ERBB4: variants seen among roughly 807,000 people sequenced by gnomAD.
ERBB4 encodes erb-b2 receptor tyrosine kinase 4, also known as receptor tyrosine-protein kinase erbB-4.
In ERBB4, 42 loss-of-function variants were observed where a neutral mutation model predicts 158.0. The ratio of observed to expected loss-of-function variants is 0.27; its 90% CI spans 0.21 to 0.34. ERBB4 has a LOEUF of 0.34. Ranked by LOEUF, ERBB4 falls within the 10% of genes least tolerant of loss-of-function variation. The probability of loss-of-function intolerance (pLI) is 1.00; values close to 1 mark genes in which losing one functional copy is unlikely to be tolerated. For synonymous variants in ERBB4, 583 were observed against 558.7 expected, an observed-to-expected ratio of 1.04 and a Z score of -0.61; for missense variants, 1,333 against 1,624.1, an observed-to-expected ratio of 0.82 and a Z score of 3.08.
intron 3 of ERBB4, among the ~76,000 whole-genome samples, chr2:211,863,599 T>C (rs13031717): frequency 0.34 from 52,188 of 151,982 alleles, 9,265 homozygotes; most frequent in South Asian, 0.41. Context: ...ACACTCACTG[T>C]GAGGATCTGC....
intron 1 of ERBB4, among the ~76,000 whole-genome samples, chr2:212,332,254 T>TG (rs1485826993): frequency 6.6e-6 from 1 of 152,060 alleles, no homozygotes; most frequent in African/African-American, 2.4e-5. Context: ...CCATTTTGCT[T>TG]GGCTCTCATT....
chr2:211,736,762 G>A (rs574564728), intron 5 of ERBB4, among the ~76,000 whole-genome samples: 39 of 152,036 alleles, frequency 2.6e-4, no homozygotes, highest in Non-Finnish European at 5.3e-4. Flanking sequence ...ATAATTACTG[G>A]AAATTTGGGA....
chr2:211,527,341 A>C (rs953812858), intron 20 of ERBB4, among the ~76,000 whole-genome samples: 24 of 152,226 alleles, frequency 1.6e-4, no homozygotes, highest in African/African-American at 5.8e-4. Context: ...AGAATAGTAT[A>C]TCTGGACAAA....
At chr2:212,191,084 A>G (rs1043310953) in intron 1 of ERBB4, among the ~76,000 whole-genome samples, 1 of 152,072 alleles carries the variant, frequency 6.6e-6, no homozygotes, top group Non-Finnish European at 1.5e-5. Context: ...ACCAAGTTTA[A>G]TAGCAAGTAT....
rs559281805 is a variant in ERBB4 at position 212,282,501 on chromosome 2, G to A, written c.83-157598C>T. ...TATTTGATTATTCGACTTGTATGAA[G>A]TAACCCAGGGACCTCGAGTGTGTCC... On this transcript the variant is annotated intron_variant, in intron 1 of 27. Transcript: ENST00000342788. Among the ~76,000 whole-genome samples, 11 of 152,030 alleles carry A rather than the reference G, an allele frequency of 7.2e-5. No homozygotes were observed. The East Asian group carries it at 2.1e-3, about 29-fold the overall frequency.
At chr2:211,683,295 T>C (rs1437138469) in intron 12 of ERBB4, among the ~76,000 whole-genome samples, 1 of 152,112 alleles carries the variant, frequency 6.6e-6, no homozygotes, top group Non-Finnish European at 1.5e-5. Flanking sequence ...ATCCTTAATT[T>C]TGTACTTGTA....
chr2:212,175,882 A>T (rs2081649022), intron 1 of ERBB4, among the ~76,000 whole-genome samples: 1 of 151,968 alleles, frequency 6.6e-6, no homozygotes, highest in African/African-American at 2.4e-5. Context: ...TGAACCCCAG[A>T]GAAGTAAAGT....
At chr2:212,153,240 A>T (rs564611346) in intron 1 of ERBB4, among the ~76,000 whole-genome samples, 217 of 152,288 alleles carry the variant, frequency 1.4e-3, no homozygotes, top group African/African-American at 4.8e-3. Context: ...ATTTTTTCTC[A>T]TCCAGGTTCC....
intron 20 of ERBB4, among the ~76,000 whole-genome samples, chr2:211,543,535 A>T (rs2125688022): frequency 6.6e-6 from 1 of 152,122 alleles, no homozygotes; most frequent in African/African-American, 2.4e-5. Context: ...GTTGCATTTT[A>T]TAAAGGACTT....
At chr2:211,757,075 G>T (rs1559491167) in intron 4 of ERBB4, among the ~76,000 whole-genome samples, 1 of 152,148 alleles carries the variant, frequency 6.6e-6, no homozygotes, top group Non-Finnish European at 1.5e-5. Context: ...GGAATTAATG[G>T]CATTACCATG....
At chr2:211,540,186 A>ATT (rs1444481641) in intron 20 of ERBB4, among the ~76,000 whole-genome samples, 10 of 84,682 alleles carry the variant, frequency 1.2e-4, no homozygotes, top group East Asian at 5.3e-4. Flanking sequence ...GACCTACATG[A>ATT]TTTATATATA....
chr2:211,611,904 T>C (rs1020223573), intron 19 of ERBB4, among the ~76,000 whole-genome samples: 1 of 152,070 alleles, frequency 6.6e-6, no homozygotes, highest in Non-Finnish European at 1.5e-5. Context: ...GTTCCCCTAA[T>C]AGAAACTAAG....
intron 13 of ERBB4, among the ~76,000 whole-genome samples, chr2:211,674,688 T>TAA (rs940238568): frequency 1.3e-5 from 2 of 152,094 alleles, no homozygotes; most frequent in African/African-American, 4.8e-5. Flanking sequence ...CTTCAGAATA[T>TAA]AAAAGTCCAA....
chr2:211,917,383 G>A (rs1240192332), intron 3 of ERBB4, among the ~76,000 whole-genome samples: 1 of 152,164 alleles, frequency 6.6e-6, no homozygotes. Context: ...ACAGGGTGGG[G>A]AGAAATACTA....
chr2:212,234,799 G>T (rs546195608), intron 1 of ERBB4, among the ~76,000 whole-genome samples: 1 of 151,952 alleles, frequency 6.6e-6, no homozygotes, highest in Non-Finnish European at 1.5e-5. Flanking sequence ...ATGTCTGTTC[G>T]TATCCTTTGT....
intron 1 of ERBB4, among the ~76,000 whole-genome samples, chr2:212,313,489 C>T (rs1217874060): frequency 6.6e-6 from 1 of 150,744 alleles, no homozygotes; most frequent in East Asian, 2.0e-4. Context: ...ATAACTAACT[C>T]TACTGTAGCT....
intron 1 of ERBB4, among the ~76,000 whole-genome samples, chr2:212,176,297 G>T (rs564177669): frequency 1.8e-3 from 279 of 152,028 alleles, no homozygotes; most frequent in African/African-American, 6.4e-3. Flanking sequence ...CAAAGTGATG[G>T]TATTTCAGGG....
chr2:211,821,269 C>A (rs1192460394), intron 3 of ERBB4, among the ~76,000 whole-genome samples: 1 of 151,636 alleles, frequency 6.6e-6, no homozygotes, highest in African/African-American at 2.4e-5. Flanking sequence ...TTTACAATAG[C>A]TACTAGAAAA....
chr2:211,451,227 A>T (rs572871196), intron 20 of ERBB4, among the ~76,000 whole-genome samples: 27 of 152,348 alleles, frequency 1.8e-4, no homozygotes, highest in Admixed American at 1.4e-3. Flanking sequence ...GCAAAATGCT[A>T]GAATGGCATT....
Sources: gnomAD v4.1 joint callset for allele counts (sites outside exome capture counted in the v4.1 genomes callset) on GRCh38, gnomAD v4.1.1 for gene constraint, MANE v1.5 for transcripts, NCBI Gene and HGNC (gene_info 2026-07-23, HGNC 2026-07-21) for gene names.